CCHCR1: variants seen among roughly 807,000 people sequenced by gnomAD.
CCHCR1 encodes the protein coiled-coil alpha-helical rod protein 1.
CCHCR1 carries 91 observed loss-of-function variants against 114.6 expected under a neutral mutation model. The ratio of observed to expected loss-of-function variants is 0.79; its 90% confidence interval spans 0.67 to 0.94. CCHCR1 has a LOEUF of 0.94. Among genes scored for constraint, CCHCR1 ranks in the 40% least tolerant of loss-of-function variants. The pLI, the probability that CCHCR1 is intolerant of heterozygous loss-of-function variation, is 0.00. For synonymous variants in CCHCR1, 379 were observed against 428.5 expected (o/e 0.88, Z 1.43); for missense variants, 899 against 1,079.9 (o/e 0.83, Z 2.35).
In CCHCR1 at chr6:31,154,158, C is replaced by G. The variant is rs1165537692; in HGVS notation, c.801+338G>C. Reference sequence around the variant, plus strand: ...TCTCTCTCCCAGTCCACCATAGCCCCCTTATACCCACCTTCCTCACTGCCC... The same window carrying G: ...TCTCTCTCCCAGTCCACCATAGCCCGCTTATACCCACCTTCCTCACTGCCC... On this transcript the variant is annotated intron_variant, in intron 4 of 17. Coordinates refer to ENST00000396268, the MANE Select transcript of CCHCR1 (RefSeq NM_001105564.2). The surrounding 1 kb of genome is among the most constrained non-coding windows in gnomAD (Gnocchi z 4.1). 6.6e-6 allele frequency among the ~76,000 whole-genome samples: 1 copy of G among 152,128 alleles called. No homozygotes were observed. Among genetic ancestry groups the G allele is most frequent in the African/African-American group, 2.4e-5 (1 of 41,410 alleles).
At chr6:31,148,297 C>T in intron 10 of CCHCR1, 108 bp downstream of exon 10, 6 of 705,380 alleles carry the variant, frequency 8.5e-6, no homozygotes, top group Non-Finnish European at 1.5e-5. Context: ...CCTGTAGCCT[C>T]CAGTGGCCAC....
At position 31,145,347 on chromosome 6, in the gene CCHCR1, C is replaced by G. The variant is rs1225281347; in HGVS notation, c.1740-45G>C. The G allele has an allele frequency of 2.5e-6, 4 of 1,612,914 alleles. No homozygotes were observed. The South Asian group carries it at 4.4e-5, about 18-fold the overall frequency. On this transcript the variant is annotated intron_variant, in intron 12 of 17. Transcript: ENST00000396268. ...GAGTCAGAAGAAATCACCCAGCTGC[C>G]TGATCCCAAAGCCCCCATCCCACCT...
rs1180436869 is a variant in CCHCR1, at chr6:31,154,194, C to T, written c.801+302G>A. 2.6e-5 allele frequency among the ~76,000 whole-genome samples: 4 copies of T among 152,046 alleles called. No individual in the cohort carries two copies. Among genetic ancestry groups the T allele is most frequent in the Non-Finnish European group, 2.9e-5 (2 of 68,010 alleles). ...CCTTCCTCACTGCCCTCCACAATAC[C>T]CCTGATGAATTGGTACCTGGAGTAA... On this transcript the variant is annotated intron_variant, in intron 4 of 17. Coordinates refer to ENST00000396268, the MANE Select transcript of CCHCR1 (RefSeq NM_001105564.2). This position sits in a 1 kb window ranked among gnomAD's most constrained non-coding sequence, Gnocchi z 4.1.
chr6:31,147,307 G>A (rs537252505), intron 10 of CCHCR1, among the ~76,000 whole-genome samples: 1 of 150,160 alleles, frequency 6.7e-6, no homozygotes, highest in African/African-American at 2.5e-5. Flanking sequence ...GGCTGAGGCA[G>A]GAAAATCGTG....
chr6:31,152,030 C>T (rs1489975574), intron 4 of CCHCR1, among the ~76,000 whole-genome samples: 1 of 152,170 alleles, frequency 6.6e-6, no homozygotes, highest in Non-Finnish European at 1.5e-5. Context: ...GGCGCAGTGG[C>T]TCATTCCTGT....
At chr6:31,148,838 C>CG in intron 8 of CCHCR1, 110 bp from the exon 9 acceptor site, 1 of 4,946 alleles carries the variant, frequency 2.0e-4, no homozygotes, top group South Asian at 2.7e-3. Context: ...CATGCAGGGG[C>CG]TGGGGGGAGG....
rs1775229328 is a variant in CCHCR1 at position 31,151,547 on chromosome 6, CGGGGAGTCT to C, written c.802-434_802-426del. Among the ~76,000 whole-genome samples, 1 of 152,206 alleles carries C rather than the reference CGGGGAGTCT, an allele frequency of 6.6e-6. No individual in the cohort carries two copies. The highest frequency in any genetic ancestry group is 1.5e-5 in the Non-Finnish European group (1 of 68,032). ...CTCCCACTGCTCCCCGCTCCGGCCA[CGGGGAGTCT>C]GCTGAGAACCAGACAGCGGCCCCTC... On this transcript the variant is annotated intron_variant, in intron 4 of 17. Coordinates refer to ENST00000396268, the MANE Select transcript of CCHCR1 (RefSeq NM_001105564.2). The surrounding 1 kb of genome is among the most constrained non-coding windows in gnomAD (Gnocchi z 4.1).
At chr6:31,148,343 A>T in intron 10 of CCHCR1, 62 bp downstream of exon 10, 1 of 1,048,146 alleles carries the variant, frequency 9.5e-7, no homozygotes, top group Non-Finnish European at 1.4e-6. Flanking sequence ...CCTCAGCAAC[A>T]AGGTGCCCAG....
chr6:31,148,761 C>T, intron 8 of CCHCR1, 33 bp from the exon 9 acceptor site: 6 of 1,353,202 alleles, frequency 4.4e-6, no homozygotes, highest in Non-Finnish European at 6.3e-6. Context: ...GCAGGGCCCT[C>T]TAGAGCTAAA....
In CCHCR1 at chr6:31,154,774, C is replaced by A. The variant is rs146335956; in HGVS notation, c.523G>T (p.Ala175Ser). The A allele has an allele frequency of 6.2e-7, 1 of 1,605,020 alleles. No homozygotes were observed. The highest frequency in any genetic ancestry group is 1.3e-5 in the African/African-American group (1 of 75,052). ...ATCACCTCAGCCTGCTGGCTCAGGG[C>A]CTGTGACCCCTCCAGCCCCCAGGAC... Reference protein sequence around the residue: ...GRSWGLEGSQALSQQAEVIVR... With the variant: ...GRSWGLEGSQSLSQQAEVIVR... Residue 175 changes from alanine (A) to serine (S), a missense_variant, in exon 4 of 18, where the codon GCC becomes TCC. Coordinates refer to ENST00000396268, the MANE Select transcript of CCHCR1 (RefSeq NM_001105564.2). The surrounding 1 kb of genome is among the most constrained non-coding windows in gnomAD (Gnocchi z 4.1).
intron 11 of CCHCR1, 53 bp from the exon 12 acceptor site, chr6:31,145,546 T>C: frequency 6.3e-7 from 1 of 1,582,184 alleles, no homozygotes; most frequent in Non-Finnish European, 8.7e-7. Context: ...TGGGAGAAAG[T>C]GGGGACAGGG....
chr6:31,151,327 C>G lies in CCHCR1; in HGVS notation c.802-205G>C, dbSNP rs1775201405. Among the ~76,000 whole-genome samples the G allele has an allele frequency of 6.6e-6, 1 of 152,226 alleles. No homozygotes were observed. Among genetic ancestry groups the G allele is most frequent in the African/African-American group, 2.4e-5 (1 of 41,462 alleles). On this transcript the variant is annotated intron_variant, in intron 4 of 17. Transcript: ENST00000396268. The surrounding 1 kb of genome is among the most constrained non-coding windows in gnomAD (Gnocchi z 4.1). ...TTGTCCGATCTCCCCCAAAACATAT[C>G]TTCACCTCTCTGTCTCCGTCTCCAC...
Position 31,144,775 on chromosome 6 carries a change from C to G in CCHCR1, c.2079G>C (p.Lys693Asn). ...QELYGQALQE[K>N]VAEVETRLRE... The stretch of plus-strand genomic sequence containing the variant: ...GCAGCCGAGTTTCCACTTCAGCCAC[C>G]TTTTCTTGCAGGGCTGGGGTGAAAG... Residue 693 changes from lysine to asparagine, a missense_variant, in exon 15 of 18, where the codon AAG becomes AAC. Coordinates refer to ENST00000396268, the MANE Select transcript of CCHCR1 (RefSeq NM_001105564.2). This position sits in a 1 kb window ranked among gnomAD's most constrained non-coding sequence, Gnocchi z 4.6. 4 of 1,614,010 alleles carry G rather than the reference C, an allele frequency of 2.5e-6. No individual in the cohort carries two copies. The highest frequency in any genetic ancestry group is 2.5e-6 in the Non-Finnish European group (3 of 1,179,944).
rs1377295877 is a variant in CCHCR1, at chr6:31,150,728, C to A, written c.1098G>T (p.Met366Ile). ...ELERQKLLET[M>I]QHLQEDRDSL... ...AGATACATTCCTGCACCCTCACCTG[C>A]ATGGTTTCCAGAAGCTTCTGTCGCT... The change falls in exon 6 of 18, where the codon ATG (methionine) becomes ATT (isoleucine). Residue 366 changes from methionine (M) to isoleucine (I), a missense_variant. Transcript: ENST00000396268. This position sits in a 1 kb window ranked among gnomAD's most constrained non-coding sequence, Gnocchi z 5.3. The A allele has an allele frequency of 5.6e-6, 9 of 1,612,298 alleles. No individual in the cohort carries two copies. Among genetic ancestry groups the A allele is most frequent in the Non-Finnish European group, 7.6e-6 (9 of 1,179,560 alleles).
At chr6:31,153,659 A>G (rs1356193746) in intron 4 of CCHCR1, among the ~76,000 whole-genome samples, 1 of 152,000 alleles carries the variant, frequency 6.6e-6, no homozygotes, top group African/African-American at 2.4e-5. Context: ...GGCTCACTGC[A>G]ACCTCCACTG....
In CCHCR1 at chr6:31,148,713, C is replaced by T; in HGVS notation, c.1378G>A (p.Glu460Lys). 6.2e-7 allele frequency: 1 copy of T among 1,611,964 alleles called. No homozygotes were observed. Among genetic ancestry groups the T allele is most frequent in the Non-Finnish European group, 8.5e-7 (1 of 1,179,134 alleles). Residue 460 changes from glutamate (E) to lysine (K), a missense_variant, in exon 9 of 18, where the codon GAA becomes AAA. Physicochemically the swap from Glu to Lys is moderately conservative, Grantham distance 56 (BLOSUM62 1). Coordinates refer to ENST00000396268, the MANE Select transcript of CCHCR1 (RefSeq NM_001105564.2). ...QLKGQVASLQ[E>K]KVTSQSQEQA... ...TCCTGGCTCTGGGATGTCACTTTTT[C>T]CTGGAGTGAGGCCACCTGGGGGAGG...
chr6:31,157,753 G>A lies in CCHCR1; in HGVS notation c.-153C>T, dbSNP rs1185350153. On this transcript the variant is annotated 5_prime_UTR_variant, in exon 1 of 18. Coordinates refer to ENST00000396268, the MANE Select transcript of CCHCR1 (RefSeq NM_001105564.2). Reference sequence around the variant, plus strand: ...CCCTTAGCTTCCATGCCTGCTGCCCGCCTCCTCTTTCTCGAGTCCTAACAC... The same window carrying A: ...CCCTTAGCTTCCATGCCTGCTGCCCACCTCCTCTTTCTCGAGTCCTAACAC... 11 of 633,340 alleles carry A rather than the reference G, an allele frequency of 1.7e-5. No individual in the cohort carries two copies. Among genetic ancestry groups the A allele is most frequent in the African/African-American group, 3.7e-5 (2 of 54,506 alleles). The allele number at this position is 633,340 out of a possible 1,614,324, so 39.2% of individuals were successfully genotyped here.
intron 10 of CCHCR1, among the ~76,000 whole-genome samples, chr6:31,147,727 G>A (rs1490772643): frequency 6.6e-6 from 1 of 152,178 alleles, no homozygotes; most frequent in Non-Finnish European, 1.5e-5. Flanking sequence ...AGCACTTTGG[G>A]AGGCTGAGGT....
At chr6:31,155,487 C>A (rs1264829893) in intron 3 of CCHCR1, among the ~76,000 whole-genome samples, 1 of 150,992 alleles carries the variant, frequency 6.6e-6, no homozygotes, top group Non-Finnish European at 1.5e-5. Context: ...GCCTGTAGTC[C>A]CAGCTGCTTG....
Sources: allele counts gnomAD v4.1 joint callset (sites outside exome capture counted in the v4.1 genomes callset), GRCh38; gene constraint gnomAD v4.1.1; non-coding constraint Gnocchi (gnomAD v3.1); transcripts MANE v1.5; gene names NCBI Gene and HGNC (gene_info 2026-07-23, HGNC 2026-07-21).